The following ZAN variants were observed in gnomAD, a reference collection of about 807,000 sequenced individuals.
The protein encoded by ZAN is zonadhesin (gene/pseudogene).
In ZAN, 260 loss-of-function variants were observed where a neutral mutation model predicts 286.2. The observed-to-expected ratio is 0.91, with a 90% CI of 0.82 to 1.01. ZAN has a LOEUF of 1.01. Ranked by LOEUF, ZAN falls within the 50% of genes least tolerant of loss-of-function variation. ZAN has a pLI of 0.00. For missense variants in ZAN, 3,410 were observed against 3,639.2 expected (o/e 0.94, Z 1.62); for synonymous variants, 1,368 against 1,417.5 (o/e 0.97, Z 0.79).
intron 28 of ZAN, among the ~76,000 whole-genome samples, 152 bp downstream of exon 28, chr7:100,770,126 T>C (rs949601246): frequency 1.3e-5 from 2 of 151,990 alleles, no homozygotes; most frequent in African/African-American, 4.8e-5. Context: ...AGCAGTCACC[T>C]TCTTGGGACC....
At chr7:100,769,707 G>C (rs1810248995) in intron 27 of ZAN, among the ~76,000 whole-genome samples, 173 bp from the exon 28 acceptor site, 1 of 152,068 alleles carries the variant, frequency 6.6e-6, no homozygotes, top group East Asian at 1.9e-4. Context: ...ACCACGCCCG[G>C]CTAATTTTTA....
In ZAN at chr7:100,755,386, C is replaced by T; in HGVS notation, c.3285C>T (p.Cys1095=). ...NHCIQASSCN[C]FYNNDYYEPG... is the part of the protein sequence containing the mutation. Reference sequence around the variant, plus strand: ...GCATCCAGGCCTCTTCCTGCAATTGCTTCTACAACAACGACTACTATGAGG... The same window carrying T: ...GCATCCAGGCCTCTTCCTGCAATTGTTTCTACAACAACGACTACTATGAGG... The change falls in exon 15 of 48, where the codon TGC becomes TGT. Residue 1095 remains cysteine, a synonymous_variant. Coordinates refer to ENST00000613979, the MANE Select transcript of ZAN (RefSeq NM_003386.3). 1 of 1,613,068 alleles carries T rather than the reference C, an allele frequency of 6.2e-7. No homozygotes were observed.
intron 44 of ZAN, 47 bp downstream of exon 44, chr7:100,794,305 G>A (rs772921601): frequency 8.4e-6 from 13 of 1,548,204 alleles, no homozygotes; most frequent in African/African-American, 1.4e-5. Context: ...ATGCCCTGGG[G>A]CGTCCATGGA....
At chr7:100,795,497 G>T (rs887595065) in intron 45 of ZAN, among the ~76,000 whole-genome samples, 161 bp downstream of exon 45, 1 of 149,004 alleles carries the variant, frequency 6.7e-6, no homozygotes, top group African/African-American at 2.5e-5. Flanking sequence ...TAGCTATAAT[G>T]GATATTAATA....
At chr7:100,747,987 G>GAAA (rs3884114) in intron 9 of ZAN, 150 bp from the exon 10 acceptor site, 8,700 of 579,082 alleles carry the variant, frequency 0.015, 9 homozygotes, top group Non-Finnish European at 0.018. Flanking sequence ...GCAAGACTCT[G>GAAA]AAAAAAAAAA....
rs752833806 is a variant in ZAN at position 100,795,261 on chromosome 7, A to C, written c.8191A>C (p.Thr2731Pro). Residue 2731 changes from threonine to proline, a missense_variant, in exon 45 of 48, where the codon ACC becomes CCC. Thr to Pro is a conservative substitution (Grantham distance 38). Coordinates refer to ENST00000613979, the MANE Select transcript of ZAN (RefSeq NM_003386.3). ...GQCREQGATF[T>P]CECEVGYGGG... is the part of the protein sequence containing the mutation. ...GTGTCGGGAGCAGGGAGCCACCTTC[A>C]CCTGCGAGTGTGAAGTTGGTTACGG... is the stretch of plus-strand genomic sequence containing the variant. 5.4e-5 allele frequency: 87 copies of C among 1,611,142 alleles called. No homozygotes were observed. Among genetic ancestry groups the C allele is most frequent in the Admixed American group, 2.2e-4 (13 of 59,738 alleles).
chr7:100,759,874 T>C (rs1404636015), intron 18 of ZAN, 29 bp downstream of exon 18: 4 of 1,605,224 alleles, frequency 2.5e-6, no homozygotes, highest in Non-Finnish European at 3.4e-6. Context: ...CCACCATCCT[T>C]GCAGGGTCTG....
chr7:100,751,633 C>T, intron 13 of ZAN, 79 bp from the exon 14 acceptor site: 1 of 1,460,262 alleles, frequency 6.8e-7, no homozygotes, highest in East Asian at 2.3e-5. Context: ...CCATGGGAGC[C>T]CACTCCAGTT....
intron 42 of ZAN, chr7:100,792,686 A>G: frequency 7.6e-7 from 1 of 1,314,274 alleles, no homozygotes; most frequent in Non-Finnish European, 1.0e-6. Flanking sequence ...CCCAGGTCCA[A>G]GTCAGCACAA....
chr7:100,775,482 G>A lies in ZAN; in HGVS notation c.5934G>A (p.Lys1978=), dbSNP rs1278391360. Residue 1978 remains lysine, a synonymous_variant, in exon 32 of 48, where the codon AAG becomes AAA. Transcript: ENST00000613979. ...PFFKISAKHE[K]EEGGTEAFRL... ...TCAAGATCAGTGCCAAGCATGAGAAGGAGGAAGGTGGAACTGAGGCTTTCC... is the reference window on the plus strand; with the variant it reads ...TCAAGATCAGTGCCAAGCATGAGAAAGAGGAAGGTGGAACTGAGGCTTTCC... 1.9e-6 allele frequency: 3 copies of A among 1,613,852 alleles called. No individual in the cohort carries two copies. Among genetic ancestry groups the A allele is most frequent in the African/African-American group, 2.7e-5 (2 of 74,932 alleles).
chr7:100,791,174 C>T (rs550668364), intron 40 of ZAN, 61 bp downstream of exon 40: 12 of 1,551,984 alleles, frequency 7.7e-6, no homozygotes, highest in African/African-American at 2.7e-5. Flanking sequence ...GCACGGTGGC[C>T]GCTAGCCCTC....
chr7:100,764,268 T>G (rs1224433606), intron 22 of ZAN, 72 bp downstream of exon 22: 2 of 1,427,372 alleles, frequency 1.4e-6, no homozygotes, highest in Non-Finnish European at 1.8e-6. Context: ...ACTTTGGGAG[T>G]CCGAGGCAGG....
Position 100,771,828 on chromosome 7 carries a change from T to C in ZAN, c.5249-16T>C. The C allele has an allele frequency of 6.2e-7, 1 of 1,601,586 alleles. No homozygotes were observed. Among genetic ancestry groups the C allele is most frequent in the South Asian group, 1.1e-5 (1 of 90,748 alleles). ...CGGCCCCTCCCCTGGCTCATCTGCCTTCTCTCTTCCTGCAGGACCCTTCTC... is the reference window on the plus strand; with the variant it reads ...CGGCCCCTCCCCTGGCTCATCTGCCCTCTCTCTTCCTGCAGGACCCTTCTC... On this transcript the variant is annotated splice_polypyrimidine_tract_variant and intron_variant, in intron 28 of 47. Transcript: ENST00000613979.
chr7:100,773,855 T>TTC lies in ZAN; in HGVS notation c.5769_5770insTC (p.Arg1924SerfsTer18). On this transcript the variant is annotated frameshift_variant, in exon 31 of 48. Coordinates refer to ENST00000613979, the MANE Select transcript of ZAN (RefSeq NM_003386.3). LOFTEE classifies it high-confidence loss of function. ...GGGCCCTGGATGGGCTGCTCCATTG[T>TTC]CGGGCCTCAGGTAGGAGGACCACGG... 1 of 1,169,876 alleles carries TTC rather than the reference T, an allele frequency of 8.5e-7. No homozygotes were observed. Among genetic ancestry groups the TTC allele is most frequent in the Non-Finnish European group, 1.2e-6 (1 of 859,680 alleles). 72.5% of individuals were successfully genotyped at this position (1,169,876 alleles called of 1,614,324 possible).
chr7:100,751,939 C>A lies in ZAN; in HGVS notation c.1834C>A (p.Pro612Thr). ...TEKPTIPSEK[P>T]NMPSEKPTIP... ...AAAACCCACCATTCCTTCAGAAAAA[C>A]CCAACATGCCCTCAGAAAAACCCAC... The change falls in exon 14 of 48, where the codon CCC (proline) becomes ACC (threonine). Residue 612 changes from proline to threonine, a missense_variant. Physicochemically the swap from Pro to Thr is conservative, Grantham distance 38. Transcript: ENST00000613979. The A allele has an allele frequency of 1.2e-6, 2 of 1,612,858 alleles. No individual in the cohort carries two copies. The highest frequency in any genetic ancestry group is 1.7e-6 in the Non-Finnish European group (2 of 1,179,572).
chr7:100,764,273 G>A, intron 22 of ZAN, 77 bp downstream of exon 22: 1 of 1,422,230 alleles, frequency 7.0e-7, no homozygotes, highest in East Asian at 2.5e-5. Flanking sequence ...GGGAGTCCGA[G>A]GCAGGTGGAT....
Position 100,788,021 on chromosome 7 carries a change from TC to T in ZAN, c.7114del (p.Leu2372SerfsTer20). 1 of 1,570,776 alleles carries T rather than the reference TC, an allele frequency of 6.4e-7. No individual in the cohort carries two copies. Among genetic ancestry groups the T allele is most frequent in the Non-Finnish European group, 8.7e-7 (1 of 1,150,542 alleles). ...GTACTGCCTGAGGGGGTGGAGCCCC[TC>T]CTCGTGGAAGGACGCAACAAGATGG... ...VDVLPEGVEP[L>X]LVEGRNKMDP... On this transcript the variant is annotated frameshift_variant, in exon 38 of 48. Coordinates refer to ENST00000613979, the MANE Select transcript of ZAN (RefSeq NM_003386.3). LOFTEE classifies it high-confidence loss of function.
chr7:100,736,969 G>T lies in ZAN; in HGVS notation c.414G>T (p.Ser138=). 6.6e-7 allele frequency: 1 copy of T among 1,504,008 alleles called. No homozygotes were observed. The allele number at this position is 1,504,008 out of a possible 1,614,324, so 93.2% of individuals were successfully genotyped here. Residue 138 remains serine (S), a synonymous_variant, in exon 5 of 48, where the codon TCG becomes TCT. Coordinates refer to ENST00000613979, the MANE Select transcript of ZAN (RefSeq NM_003386.3). ...CCCAGCTCAGGCTGCTGCTGCTCTC[G>T]GGTGAAGAGGGCCGCCGCCCCGATG... ...WGAQLRLLLL[S]GEEGRRPDVL...
intron 34 of ZAN, 106 bp downstream of exon 34, chr7:100,776,670 C>G: frequency 1.5e-6 from 1 of 656,982 alleles, no homozygotes; most frequent in Non-Finnish European, 2.2e-6. Context: ...CCTCCCCTTC[C>G]TTCCTTTCTT....
Sources: allele counts gnomAD v4.1 joint callset (sites outside exome capture counted in the v4.1 genomes callset), GRCh38; gene constraint gnomAD v4.1.1; transcripts MANE v1.5; gene names NCBI Gene and HGNC (gene_info 2026-07-23, HGNC 2026-07-21).